Variants in ASCC1 observed in about 807,000 individuals in gnomAD.
ASCC1 encodes ASC-1 complex subunit P50.
ASCC1 carries 35 observed loss-of-function variants against 46.6 expected under a neutral mutation model. That is an observed-to-expected ratio of 0.75 (90% CI 0.57 to 0.99). The LOEUF (loss-of-function observed/expected upper bound fraction) is 0.99. ASCC1 is among the 50% of genes least tolerant of loss of function. The pLI is 0.00. For synonymous variants in ASCC1, 143 were observed against 146.6 expected (o/e 0.98, Z 0.18); for missense variants, 376 against 428.7 (o/e 0.88, Z 1.09).
At chr10:72,206,014 G>C (rs933387083) in intron 3 of ASCC1, among the ~76,000 whole-genome samples, 1 of 146,612 alleles carries the variant, frequency 6.8e-6, no homozygotes, top group Non-Finnish European at 1.5e-5. Context: ...TGAGGCGGGA[G>C]AATCACTTGG....
intron 3 of ASCC1, among the ~76,000 whole-genome samples, chr10:72,206,480 T>C (rs1857235500): frequency 6.6e-6 from 1 of 152,150 alleles, no homozygotes; most frequent in African/African-American, 2.4e-5. Flanking sequence ...TCGTAAGGAT[T>C]AAATGTGATC....
chr10:72,097,481 ATATT>A (rs759994959), intron 9 of ASCC1, 31 bp from the exon 10 acceptor site: 7 of 1,319,186 alleles, frequency 5.3e-6, no homozygotes, highest in South Asian at 3.5e-5. Context: ...CCCAGAATGA[ATATT>A]TAAAGTATAG....
chr10:72,110,526 T>C (rs1842811431), intron 9 of ASCC1, among the ~76,000 whole-genome samples: 1 of 152,212 alleles, frequency 6.6e-6, no homozygotes. Context: ...CAGTGGCCCA[T>C]GCCTGTAATC....
chr10:72,142,177 CAA>C (rs747641893), intron 7 of ASCC1, among the ~76,000 whole-genome samples: 109 of 152,140 alleles, frequency 7.2e-4, no homozygotes, highest in Non-Finnish European at 1.1e-3. Context: ...TAAATTTTAT[CAA>C]AAGTCTTTCA....
At chr10:72,171,330 T>C (rs1053554449) in intron 5 of ASCC1, among the ~76,000 whole-genome samples, 7 of 152,178 alleles carry the variant, frequency 4.6e-5, no homozygotes, top group Admixed American at 2.0e-4. Flanking sequence ...GCTTTCTAGC[T>C]TCTAGAGGCT....
At chr10:72,102,640 G>T (rs1841906138) in intron 9 of ASCC1, among the ~76,000 whole-genome samples, 1 of 152,008 alleles carries the variant, frequency 6.6e-6, no homozygotes, top group Admixed American at 6.6e-5. Context: ...TATCATAACA[G>T]GAGATTTTAA....
chr10:72,131,443 C>CAT, intron 8 of ASCC1, among the ~76,000 whole-genome samples: 2 of 141,750 alleles, frequency 1.4e-5, no homozygotes, highest in African/African-American at 5.5e-5. Flanking sequence ...TAAAAATACA[C>CAT]ACACACACAC....
intron 6 of ASCC1, among the ~76,000 whole-genome samples, chr10:72,159,999 G>A (rs1355009024): frequency 6.6e-6 from 1 of 151,400 alleles, no homozygotes; most frequent in Non-Finnish European, 1.5e-5. Context: ...CCGCCTCCCG[G>A]GTTCACGCCA....
intron 7 of ASCC1, among the ~76,000 whole-genome samples, chr10:72,136,550 A>G (rs1846234085): frequency 6.6e-6 from 1 of 152,210 alleles, no homozygotes; most frequent in African/African-American, 2.4e-5. Flanking sequence ...AAAATGGACC[A>G]ATCAGAATGG....
chr10:72,150,858 C>T (rs1848240657), intron 7 of ASCC1, among the ~76,000 whole-genome samples: 1 of 152,214 alleles, frequency 6.6e-6, no homozygotes, highest in African/African-American at 2.4e-5. Context: ...CTCATCATCA[C>T]TGGTCATCAG....
intron 5 of ASCC1, among the ~76,000 whole-genome samples, chr10:72,172,493 G>A (rs1399941336): frequency 6.8e-6 from 1 of 148,020 alleles, no homozygotes; most frequent in African/African-American, 2.5e-5. Context: ...TTTTATAGAT[G>A]TTGGGCTTTT....
At chr10:72,143,987 TTTC>T (rs1847337320) in intron 7 of ASCC1, among the ~76,000 whole-genome samples, 3 of 152,046 alleles carry the variant, frequency 2.0e-5, no homozygotes, top group Admixed American at 6.6e-5. Context: ...TAATGCATTT[TTTC>T]TTTTCTTTCT....
chr10:72,154,493 G>T (rs1848718952), intron 6 of ASCC1, among the ~76,000 whole-genome samples: 2 of 139,870 alleles, frequency 1.4e-5, no homozygotes, highest in Non-Finnish European at 1.6e-5. Context: ...TATGCATAGG[G>T]TTTTTTTTTT....
intron 4 of ASCC1, among the ~76,000 whole-genome samples, chr10:72,200,664 C>CA (rs1038037776): frequency 0.19 from 19,141 of 98,790 alleles, 3,598 homozygotes; most frequent in African/African-American, 0.49. Context: ...AACTCCATCT[C>CA]AAAAAAAAAA....
chr10:72,154,127 C>T (rs564703312), intron 6 of ASCC1, among the ~76,000 whole-genome samples: 2 of 152,266 alleles, frequency 1.3e-5, no homozygotes, highest in Admixed American at 6.5e-5. Context: ...GCTAAGGAAA[C>T]AATTTTGAAT....
rs1159885488 is a variant in ASCC1, at chr10:72,096,678, G to A, written c.*656C>T. On this transcript the variant is annotated 3_prime_UTR_variant, in exon 10 of 10. Coordinates refer to ENST00000672957, the MANE Select transcript of ASCC1 (RefSeq NM_001198800.3). ...GAAGCAAGCCAAGTGTTCACTGATG[G>A]AGGAACAGAGTGTGGTACGCACATG... 4.4e-6 allele frequency: 2 copies of A among 454,128 alleles called. No individual in the cohort carries two copies. Among genetic ancestry groups the A allele is most frequent in the South Asian group, 3.1e-5 (2 of 64,476 alleles). 28.1% of individuals were successfully genotyped at this position (454,128 alleles called of 1,614,324 possible). A position where few individuals can be genotyped will look rare whatever the true frequency, so the allele number is the denominator to read the frequency against.
intron 5 of ASCC1, among the ~76,000 whole-genome samples, chr10:72,172,778 T>TATATTA (rs1449949175): frequency 7.3e-6 from 1 of 136,340 alleles, no homozygotes; most frequent in Non-Finnish European, 1.5e-5. Flanking sequence ...ATTATATTTT[T>TATATTA]TATATTATAT....
chr10:72,152,410 A>C (rs1458536703), intron 7 of ASCC1, among the ~76,000 whole-genome samples: 1 of 152,054 alleles, frequency 6.6e-6, no homozygotes, highest in Non-Finnish European at 1.5e-5. Flanking sequence ...ACTGCATTAC[A>C]TCACGTTTGA....
At chr10:72,099,559 G>A (rs1278488585) in intron 9 of ASCC1, among the ~76,000 whole-genome samples, 1 of 152,220 alleles carries the variant, frequency 6.6e-6, no homozygotes. Flanking sequence ...GGTGACTCAT[G>A]CCTGTAATCC....
Sources: allele counts gnomAD v4.1 joint callset (sites outside exome capture counted in the v4.1 genomes callset), GRCh38; gene constraint gnomAD v4.1.1; transcripts MANE v1.5; gene names NCBI Gene and HGNC (gene_info 2026-07-23, HGNC 2026-07-21).